The following FAM227B variants were observed in gnomAD, a reference collection of about 807,000 sequenced individuals.
FAM227B encodes the protein protein FAM227B.
Under a neutral mutation model 73.8 loss-of-function variants are expected in FAM227B, and 88 were observed. That is an observed-to-expected ratio of 1.19 (90% CI 1.00 to 1.42). The LOEUF (loss-of-function observed/expected upper bound fraction) is 1.42, where lower values mean the gene tolerates loss of function less well. Among genes scored for constraint, FAM227B ranks in the 40% most tolerant of loss-of-function variants. FAM227B has a pLI of 0.00. For missense variants in FAM227B, 632 were observed against 590.9 expected (o/e 1.07, Z -0.72); for synonymous variants, 210 against 190.5 (o/e 1.10, Z -0.84).
chr15:49,393,338 G>A (rs959155195), intron 11 of FAM227B, among the ~76,000 whole-genome samples: 1 of 152,074 alleles, frequency 6.6e-6, no homozygotes, highest in Non-Finnish European at 1.5e-5. Context: ...GCTCTAATGG[G>A]AAAAATGCTA....
intron 11 of FAM227B, among the ~76,000 whole-genome samples, chr15:49,464,948 T>C (rs2054130900): frequency 6.6e-6 from 1 of 152,212 alleles, no homozygotes; most frequent in African/African-American, 2.4e-5. Context: ...GAATAATAAA[T>C]GTTTATTAAG....
At chr15:49,530,670 T>C (rs530707222) in intron 10 of FAM227B, among the ~76,000 whole-genome samples, 15 of 151,908 alleles carry the variant, frequency 9.9e-5, no homozygotes, top group African/African-American at 3.4e-4. Context: ...TATTAAATTA[T>C]TAGTAGCTAA....
chr15:49,555,408 C>A (rs1163891266), intron 9 of FAM227B, among the ~76,000 whole-genome samples: 1 of 152,168 alleles, frequency 6.6e-6, no homozygotes, highest in Non-Finnish European at 1.5e-5. Flanking sequence ...AGGGCTTTTG[C>A]TGGAAGGTCT....
At chr15:49,589,459 G>A (rs756800710) in intron 4 of FAM227B, among the ~76,000 whole-genome samples, 1 of 151,228 alleles carries the variant, frequency 6.6e-6, no homozygotes, top group Non-Finnish European at 1.5e-5. Flanking sequence ...AAAAAAATCT[G>A]TATTGAACCA....
chr15:49,550,694 C>T (rs372556245), intron 9 of FAM227B, among the ~76,000 whole-genome samples: 6,884 of 151,906 alleles, frequency 0.045, 221 homozygotes, highest in Middle Eastern at 0.071. Flanking sequence ...GGCGGCCGGG[C>T]AGAGACGCTC....
intron 11 of FAM227B, among the ~76,000 whole-genome samples, chr15:49,507,039 G>A (rs533076447): frequency 7.2e-5 from 11 of 152,044 alleles, no homozygotes; most frequent in Admixed American, 5.2e-4. Flanking sequence ...ATTGGCTCAA[G>A]ATAGTAGACT....
At chr15:49,536,532 A>ATC in intron 10 of FAM227B, among the ~76,000 whole-genome samples, 1 of 152,112 alleles carries the variant, frequency 6.6e-6, no homozygotes, top group South Asian at 2.1e-4. Context: ...CAAAATCTTA[A>ATC]TGACATTCTT....
At position 49,525,708 on chromosome 15, in the gene FAM227B, ATAT is replaced by A. The variant is rs1567487453; in HGVS notation, c.874+15969_874+15971del. 1.3e-3 allele frequency among the ~76,000 whole-genome samples: 172 copies of A among 129,242 alleles called. 1 individual carries two copies. The highest frequency in any genetic ancestry group is 2.3e-3 in the Non-Finnish European group (140 of 61,514). 84.8% of individuals were successfully genotyped at this position (129,242 alleles called of 152,430 possible). A position where few individuals can be genotyped will look rare whatever the true frequency, so the allele number is the denominator to read the frequency against. On this transcript the variant is annotated intron_variant, in intron 10 of 15. Transcript: ENST00000299338. The stretch of plus-strand genomic sequence containing the variant: ...TATATATATATATATATATATATAT[ATAT>A]ATATATATCACAAACAGAGCACAAA...
intron 10 of FAM227B, among the ~76,000 whole-genome samples, chr15:49,523,165 A>G (rs1306498388): frequency 6.6e-6 from 1 of 152,212 alleles, no homozygotes; most frequent in Non-Finnish European, 1.5e-5. Flanking sequence ...GAGATGCTAG[A>G]AGAGTGAGCC....
intron 11 of FAM227B, chr15:49,434,725 C>T (rs901868939): frequency 6.6e-6 from 1 of 151,528 alleles, no homozygotes; most frequent in African/African-American, 2.4e-5. Context: ...CGAATGATTG[C>T]TATGTTTATT....
intron 3 of FAM227B, among the ~76,000 whole-genome samples, chr15:49,601,746 C>T (rs1340466310): frequency 3.3e-5 from 5 of 152,126 alleles, no homozygotes; most frequent in Non-Finnish European, 7.4e-5. Flanking sequence ...TTTTTTCTAA[C>T]TAACATTTTT....
intron 11 of FAM227B, among the ~76,000 whole-genome samples, chr15:49,460,554 G>A (rs1172061573): frequency 2.0e-5 from 3 of 152,158 alleles, no homozygotes; most frequent in South Asian, 2.1e-4. Flanking sequence ...CAGTTCAGGC[G>A]ATCATTACCA....
At chr15:49,562,623 T>C (rs921963146) in intron 9 of FAM227B, among the ~76,000 whole-genome samples, 2 of 151,866 alleles carry the variant, frequency 1.3e-5, no homozygotes, top group East Asian at 3.9e-4. Flanking sequence ...GCAAACAAAA[T>C]CCAGCAGTAC....
intron 5 of FAM227B, among the ~76,000 whole-genome samples, chr15:49,583,351 G>C (rs1433588784): frequency 6.6e-6 from 1 of 151,988 alleles, no homozygotes; most frequent in African/African-American, 2.4e-5. Context: ...GATAAAACAG[G>C]TTGCAGTAAA....
At chr15:49,342,333 T>A (rs2040859326) in intron 13 of FAM227B, among the ~76,000 whole-genome samples, 1 of 152,164 alleles carries the variant, frequency 6.6e-6, no homozygotes, top group African/African-American at 2.4e-5. Context: ...TTTTATCTGG[T>A]ATAAGAATAG....
At chr15:49,412,391 T>C (rs1490356187) in intron 11 of FAM227B, among the ~76,000 whole-genome samples, 2 of 152,104 alleles carry the variant, frequency 1.3e-5, no homozygotes, top group Non-Finnish European at 2.9e-5. Flanking sequence ...CATCCTTCTA[T>C]GGAAAGAAGT....
At chr15:49,607,437 C>T (rs920952085) in intron 3 of FAM227B, among the ~76,000 whole-genome samples, 1 of 151,938 alleles carries the variant, frequency 6.6e-6, no homozygotes, top group Non-Finnish European at 1.5e-5. Flanking sequence ...CCCTGAAGAC[C>T]AACACTGTCA....
intron 13 of FAM227B, among the ~76,000 whole-genome samples, chr15:49,354,394 G>A (rs979358277): frequency 3.9e-5 from 6 of 152,188 alleles, no homozygotes; most frequent in Non-Finnish European, 7.3e-5. Flanking sequence ...TGCGCGCACC[G>A]TGCGTGAGCC....
At chr15:49,608,943 A>G (rs1229145366) in intron 3 of FAM227B, among the ~76,000 whole-genome samples, 1 of 152,028 alleles carries the variant, frequency 6.6e-6, no homozygotes, top group African/African-American at 2.4e-5. Flanking sequence ...AAGAACCAAA[A>G]AGAATTTTTT....
Sources: allele counts gnomAD v4.1 joint callset (sites outside exome capture counted in the v4.1 genomes callset), GRCh38; gene constraint gnomAD v4.1.1; transcripts MANE v1.5; gene names NCBI Gene and HGNC (gene_info 2026-07-23, HGNC 2026-07-21).